The following PHLPP1 variants were observed in gnomAD, a reference collection of about 807,000 sequenced individuals.
PHLPP1 encodes PH domain and leucine rich repeat protein phosphatase 1.
In PHLPP1, 42 loss-of-function variants were observed where a neutral mutation model predicts 117.2. That is an observed-to-expected ratio of 0.36 (90% CI 0.28 to 0.46). The LOEUF is 0.46. PHLPP1 is among the 20% of genes least tolerant of loss of function. The probability of loss-of-function intolerance (pLI) is 1.00; values close to 1 mark genes in which losing one functional copy is unlikely to be tolerated. For synonymous variants in PHLPP1, 1,042 were observed against 970.7 expected (o/e 1.07, Z -1.37); for missense variants, 2,084 against 2,241.9 (o/e 0.93, Z 1.42).
intron 1 of PHLPP1, among the ~76,000 whole-genome samples, chr18:62,773,431 C>T (rs1912855711): frequency 6.6e-6 from 1 of 152,134 alleles, no homozygotes; most frequent in Non-Finnish European, 1.5e-5. Context: ...ACTTGTCTCC[C>T]TGAGATAAAG....
chr18:62,959,606 G>A (rs1208923258), intron 13 of PHLPP1, among the ~76,000 whole-genome samples: 3 of 152,086 alleles, frequency 2.0e-5, no homozygotes. Flanking sequence ...TTTAAACATT[G>A]TCATACATTA....
chr18:62,726,861 G>T (rs1168811890), intron 1 of PHLPP1, among the ~76,000 whole-genome samples: 1 of 151,670 alleles, frequency 6.6e-6, no homozygotes, highest in African/African-American at 2.4e-5. Context: ...TGGGATTACA[G>T]GCGTGACCCA....
chr18:62,962,936 TC>T (rs535714603), intron 13 of PHLPP1, among the ~76,000 whole-genome samples: 1 of 152,320 alleles, frequency 6.6e-6, no homozygotes, highest in South Asian at 2.1e-4. Context: ...ATTGCAGAAT[TC>T]TCTCACATCA....
intron 3 of PHLPP1, among the ~76,000 whole-genome samples, chr18:62,845,577 C>T (rs1436507174): frequency 1.3e-5 from 2 of 152,126 alleles, no homozygotes; most frequent in African/African-American, 4.8e-5. Context: ...TCTAGTATAA[C>T]AAGATTGAGG....
At chr18:62,943,209 A>G (rs1365010157) in intron 11 of PHLPP1, among the ~76,000 whole-genome samples, 1 of 152,130 alleles carries the variant, frequency 6.6e-6, no homozygotes, top group Non-Finnish European at 1.5e-5. Flanking sequence ...AAAAAAATCC[A>G]TCTAGGAATG....
intron 4 of PHLPP1, among the ~76,000 whole-genome samples, chr18:62,891,359 G>A (rs935079586): frequency 1.3e-5 from 2 of 152,166 alleles, no homozygotes; most frequent in East Asian, 3.9e-4. Flanking sequence ...AGGCCAAGGC[G>A]GGCGGATCAC....
chr18:62,794,014 T>G (rs1175848367), intron 1 of PHLPP1, among the ~76,000 whole-genome samples: 2 of 152,348 alleles, frequency 1.3e-5, no homozygotes, highest in South Asian at 2.1e-4. Flanking sequence ...ACTAACTTGC[T>G]TTCCTGAAAG....
chr18:62,919,531 G>A (rs1250406953), intron 9 of PHLPP1, among the ~76,000 whole-genome samples: 2 of 152,188 alleles, frequency 1.3e-5, no homozygotes, highest in Non-Finnish European at 2.9e-5. Context: ...TTTGATTGAA[G>A]AACCCTTTAT....
chr18:62,816,863 G>C (rs537547598), intron 1 of PHLPP1, among the ~76,000 whole-genome samples: 1 of 152,238 alleles, frequency 6.6e-6, no homozygotes, highest in Admixed American at 6.5e-5. Context: ...TTTTGCGAAA[G>C]TATTTTCCAG....
intron 4 of PHLPP1, among the ~76,000 whole-genome samples, chr18:62,869,004 TGAA>T (rs897272290): frequency 1.3e-5 from 2 of 152,230 alleles, no homozygotes; most frequent in African/African-American, 4.8e-5. Context: ...AATCTCAAGA[TGAA>T]GAAGAATCAT....
At chr18:62,922,241 A>T (rs1381279980) in intron 10 of PHLPP1, among the ~76,000 whole-genome samples, 1 of 152,066 alleles carries the variant, frequency 6.6e-6, no homozygotes, top group East Asian at 1.9e-4. Flanking sequence ...GGTTCAAGTG[A>T]TTCTCTTCCC....
At chr18:62,749,973 G>A (rs556981913) in intron 1 of PHLPP1, among the ~76,000 whole-genome samples, 120 of 152,190 alleles carry the variant, frequency 7.9e-4, no homozygotes, top group African/African-American at 2.8e-3. Flanking sequence ...CCAAGATGGC[G>A]CCACTGCACT....
chr18:62,771,702 G>C (rs1180057052), intron 1 of PHLPP1, among the ~76,000 whole-genome samples: 1 of 152,184 alleles, frequency 6.6e-6, no homozygotes, highest in Non-Finnish European at 1.5e-5. Context: ...TTCTAAAAAT[G>C]TTTCCTCTAG....
chr18:62,756,243 G>A (rs1040948589), intron 1 of PHLPP1, among the ~76,000 whole-genome samples: 2 of 152,052 alleles, frequency 1.3e-5, no homozygotes, highest in African/African-American at 4.8e-5. Flanking sequence ...AACACTATCC[G>A]GAATGCTGCT....
chr18:62,803,717 T>TG (rs1237258427), intron 1 of PHLPP1, among the ~76,000 whole-genome samples: 1 of 152,200 alleles, frequency 6.6e-6, no homozygotes, highest in Non-Finnish European at 1.5e-5. Context: ...TCTGTAGGAA[T>TG]GGAGTGGATA....
rs1466312681 is a variant in PHLPP1 at position 62,972,553 on chromosome 18, C to T, written c.3600C>T (p.Asp1200=). ...CCCTGTCGGTGAATAACTTCTGTGA[C>T]AACCGCGAAGCCCTGTATGGTGTGT... ...VAALSVNNFC[D]NREALYGVFD... is the part of the protein sequence containing the mutation. The change falls in exon 15 of 17, where the codon GAC becomes GAT. Residue 1200 remains aspartate, a synonymous_variant. Coordinates refer to ENST00000262719, the MANE Select transcript of PHLPP1 (RefSeq NM_194449.4). 1.8e-5 allele frequency: 29 copies of T among 1,613,252 alleles called. No homozygotes were observed. The highest frequency in any genetic ancestry group is 1.8e-4 in the Middle Eastern group (1 of 5,606).
At chr18:62,958,837 CAA>C in intron 13 of PHLPP1, 78 bp downstream of exon 13, 1 of 1,506,846 alleles carries the variant, frequency 6.6e-7, no homozygotes, top group Admixed American at 1.8e-5. Context: ...AAATGGGAAA[CAA>C]AATATGAAGC....
intron 5 of PHLPP1, 113 bp from the exon 6 acceptor site, chr18:62,895,668 G>A (rs879048264): frequency 5.7e-6 from 4 of 706,054 alleles, no homozygotes; most frequent in South Asian, 1.8e-5. Flanking sequence ...GGCATTTTGC[G>A]AAGAATAATA....
intron 1 of PHLPP1, among the ~76,000 whole-genome samples, chr18:62,828,588 TGTG>T (rs893870481): frequency 2.0e-5 from 3 of 152,234 alleles, no homozygotes; most frequent in Admixed American, 2.0e-4. Flanking sequence ...AATTCGAACC[TGTG>T]GCTTATTTCC....
Sources: gnomAD v4.1 joint callset for allele counts (sites outside exome capture counted in the v4.1 genomes callset) on GRCh38, gnomAD v4.1.1 for gene constraint, MANE v1.5 for transcripts, NCBI Gene and HGNC (gene_info 2026-07-23, HGNC 2026-07-21) for gene names.